Variants in ESRRB observed in about 807,000 individuals in gnomAD.
ESRRB encodes the protein estrogen related receptor beta, also known as steroid hormone receptor ERR2.
Under a neutral mutation model 46.0 loss-of-function variants are expected in ESRRB, and 16 were observed. The ratio of observed to expected loss-of-function variants is 0.35; its 90% CI spans 0.24 to 0.53. The LOEUF (loss-of-function observed/expected upper bound fraction) is 0.53. ESRRB is among the 20% of genes least tolerant of loss of function. The pLI, the probability that ESRRB is intolerant of heterozygous loss-of-function variation, is 0.93. For synonymous variants in ESRRB, 246 were observed against 259.6 expected (o/e 0.95, Z 0.50); for missense variants, 488 against 607.4 (o/e 0.80, Z 2.07).
intron 1 of ESRRB, among the ~76,000 whole-genome samples, chr14:76,383,775 C>A (rs985493660): frequency 1.3e-5 from 2 of 152,038 alleles, no homozygotes; most frequent in African/African-American, 4.8e-5. Context: ...CTATAATTGG[C>A]CCCCCTGTTC....
At chr14:76,318,486 C>A (rs961053840) in intron 1 of ESRRB, among the ~76,000 whole-genome samples, 1 of 152,198 alleles carries the variant, frequency 6.6e-6, no homozygotes, top group Non-Finnish European at 1.5e-5. Context: ...TGGTGACCTC[C>A]ATGAAACAGT....
chr14:76,367,165 G>A (rs911872007), upstream of ESRRB, among the ~76,000 whole-genome samples: 57 of 152,206 alleles, frequency 3.7e-4, no homozygotes, highest in African/African-American at 1.4e-3. Context: ...ATGCCAGGCA[G>A]TGAGACATGA....
At chr14:76,397,958 T>G (rs1240640611) in intron 1 of ESRRB, among the ~76,000 whole-genome samples, 1 of 152,220 alleles carries the variant, frequency 6.6e-6, no homozygotes, top group Non-Finnish European at 1.5e-5. Context: ...CACTTTCCCC[T>G]TTTGAATAAA....
intron 2 of ESRRB, among the ~76,000 whole-genome samples, chr14:76,452,683 G>C (rs1888444926): frequency 1.3e-5 from 2 of 151,660 alleles, no homozygotes; most frequent in South Asian, 4.2e-4. Flanking sequence ...TTATTAAAAG[G>C]ATAGTGACTG....
rs183138021 is a variant in ESRRB at position 76,339,815 on chromosome 14, G to A, written c.2+28899G>A. ...GGAATGGTTCAAAAGGCTATGCCGC[G>A]TGCCCCGTCACATCGCACAAAAGGA... On this transcript the variant is annotated intron_variant, in intron 1 of 6. Coordinates refer to the ESRRB transcript ENST00000512784. 2.4e-3 allele frequency among the ~76,000 whole-genome samples: 365 copies of A among 152,278 alleles called. 4 individuals carry two copies. Among genetic ancestry groups the A allele is most frequent in the African/African-American group, 7.6e-3 (316 of 41,560 alleles).
chr14:76,354,242 A>T (rs1479752473), intron 1 of ESRRB, among the ~76,000 whole-genome samples: 1 of 19,594 alleles, frequency 5.1e-5, no homozygotes, highest in South Asian at 2.3e-3. Flanking sequence ...CCCCACCCAC[A>T]CTTCCACCCT....
intron 1 of ESRRB, among the ~76,000 whole-genome samples, chr14:76,316,205 C>T (rs1246239693): frequency 2.0e-5 from 3 of 152,214 alleles, no homozygotes; most frequent in Non-Finnish European, 4.4e-5. Flanking sequence ...GAGGTGTCCT[C>T]TCGTGGGATG....
intron 6 of ESRRB, chr14:76,495,565 G>C (rs1423261324): frequency 7.8e-6 from 1 of 127,572 alleles, no homozygotes; most frequent in Non-Finnish European, 1.7e-5. Flanking sequence ...TTTTTTTTAA[G>C]TAATGGTTTT....
intron 1 of ESRRB, among the ~76,000 whole-genome samples, chr14:76,360,656 C>G (rs1051904893): frequency 6.6e-6 from 1 of 152,194 alleles, no homozygotes; most frequent in African/African-American, 2.4e-5. Flanking sequence ...GGCTCCCTCT[C>G]TCTTTAAGCA....
At chr14:76,444,738 T>A (rs1373108638) in intron 2 of ESRRB, among the ~76,000 whole-genome samples, 1 of 152,192 alleles carries the variant, frequency 6.6e-6, no homozygotes, top group East Asian at 1.9e-4. Flanking sequence ...GGCGTAGCAC[T>A]GTGCTCCAAA....
intron 3 of ESRRB, among the ~76,000 whole-genome samples, chr14:76,475,027 G>A (rs566439393): frequency 1.6e-4 from 24 of 151,034 alleles, no homozygotes; most frequent in African/African-American, 2.9e-4. Flanking sequence ...TCAGGAGTTC[G>A]AGACCAGCCT....
intron 2 of ESRRB, among the ~76,000 whole-genome samples, chr14:76,447,986 C>A (rs186761528): frequency 3.3e-4 from 50 of 152,338 alleles, no homozygotes; most frequent in African/African-American, 1.1e-3. Flanking sequence ...TGCCCCACGT[C>A]TCATGCCACT....
Position 76,482,602 on chromosome 14 carries a change from C to T in ESRRB, c.693C>T (p.Thr231=), listed in dbSNP as rs756318678. 3 of 1,614,124 alleles carry T rather than the reference C, an allele frequency of 1.9e-6. No homozygotes were observed. The highest frequency in any genetic ancestry group is 2.5e-6 in the Non-Finnish European group (3 of 1,180,010). Residue 231 remains threonine, a synonymous_variant, in exon 5 of 7, where the codon ACC becomes ACT. Coordinates refer to ENST00000644823, the MANE Select transcript of ESRRB (RefSeq NM_001379180.1). This position sits in a 1 kb window ranked among gnomAD's most constrained non-coding sequence, Gnocchi z 4.3. ...QISPPAKKPL[T]KIVSYLLVAE... ...TTCCCTCTTTGGTTGTTGCAGTGAC[C>T]AAGATTGTCTCATACCTACTGGTGG...
chr14:76,440,962 C>T (rs1040741542), intron 2 of ESRRB, among the ~76,000 whole-genome samples: 8 of 152,140 alleles, frequency 5.3e-5, no homozygotes, highest in African/African-American at 9.7e-5. Flanking sequence ...ACAGGAGAAT[C>T]GCTTGAACCC....
At chr14:76,461,032 C>G (rs1016181002) in intron 2 of ESRRB, among the ~76,000 whole-genome samples, 3 of 151,914 alleles carry the variant, frequency 2.0e-5, no homozygotes, top group Admixed American at 1.3e-4. Context: ...TTACCTCCCC[C>G]ACCTGCTCTC....
chr14:76,340,063 A>G (rs1884174138), intron 1 of ESRRB, among the ~76,000 whole-genome samples: 1 of 151,982 alleles, frequency 6.6e-6, no homozygotes, highest in Non-Finnish European at 1.5e-5. Flanking sequence ...CCACATCTCT[A>G]ATTACTGTGT....
intron 1 of ESRRB, among the ~76,000 whole-genome samples, chr14:76,358,039 C>T (rs918615907): frequency 3.9e-5 from 6 of 151,930 alleles, no homozygotes; most frequent in Admixed American, 1.3e-4. Context: ...AGGCTGGGCA[C>T]GGTGGCTCTC....
intron 1 of ESRRB, among the ~76,000 whole-genome samples, chr14:76,363,667 C>A (rs1182871322): frequency 6.6e-6 from 1 of 152,204 alleles, no homozygotes; most frequent in African/African-American, 2.4e-5. Context: ...CCCACACTGG[C>A]CTCCCAAAAG....
chr14:76,343,243 C>T (rs1043586300), intron 1 of ESRRB, among the ~76,000 whole-genome samples: 2 of 152,152 alleles, frequency 1.3e-5, no homozygotes, highest in African/African-American at 4.8e-5. Context: ...TTAAGCAGGG[C>T]CTTGTACATC....
Sources: gnomAD v4.1 joint callset for allele counts (sites outside exome capture counted in the v4.1 genomes callset) on GRCh38, gnomAD v4.1.1 for gene constraint, Gnocchi (gnomAD v3.1) non-coding constraint, MANE v1.5 for transcripts, NCBI Gene and HGNC (gene_info 2026-07-23, HGNC 2026-07-21) for gene names.